Variants in MAPK10 observed in about 807,000 individuals in gnomAD.
MAPK10 encodes JNK3 alpha protein kinase.
Under a neutral mutation model 59.3 loss-of-function variants are expected in MAPK10, and 25 were observed. The observed-to-expected ratio is 0.42, with a 90% confidence interval of 0.31 to 0.59. MAPK10 has a LOEUF of 0.59. Ranked by LOEUF, MAPK10 falls within the 20% of genes least tolerant of loss-of-function variation. MAPK10 has a pLI of 0.15. For missense variants in MAPK10, 351 were observed against 568.9 expected, an observed-to-expected ratio of 0.62 and a Z score of 3.90; for synonymous variants, 190 against 200.5, an observed-to-expected ratio of 0.95 and a Z score of 0.44.
intron 1 of MAPK10, among the ~76,000 whole-genome samples, chr4:86,480,314 T>C (rs1295453876): frequency 5.0e-5 from 7 of 139,804 alleles, no homozygotes; most frequent in African/African-American, 1.7e-4. Context: ...CTGAGCACCC[T>C]GTGACCCCCC....
At chr4:86,053,101 A>G (rs1421099201) in intron 11 of MAPK10, among the ~76,000 whole-genome samples, 1 of 152,170 alleles carries the variant, frequency 6.6e-6, no homozygotes, top group African/African-American at 2.4e-5. Context: ...CAAACCTACT[A>G]CTTAAAGTAA....
At chr4:86,199,912 A>G (rs1400425354) in intron 2 of MAPK10, among the ~76,000 whole-genome samples, 1 of 152,046 alleles carries the variant, frequency 6.6e-6, no homozygotes, top group Non-Finnish European at 1.5e-5. Context: ...AGGTTTGTAA[A>G]GCAGGAAGAT....
intron 2 of MAPK10, chr4:86,321,843 C>T (rs936539554): frequency 6.6e-6 from 1 of 151,606 alleles, no homozygotes; most frequent in East Asian, 1.9e-4. Context: ...TTGTAACATA[C>T]CTCCTTTTAA....
intron 1 of MAPK10, among the ~76,000 whole-genome samples, chr4:86,461,321 G>T (rs1751719939): frequency 6.6e-6 from 1 of 152,164 alleles, no homozygotes; most frequent in South Asian, 2.1e-4. Context: ...ACTTGAAGTG[G>T]ATGGGGAAGG....
intron 9 of MAPK10, chr4:86,095,633 A>C (rs2054075517): frequency 6.6e-6 from 1 of 151,858 alleles, no homozygotes; most frequent in South Asian, 2.1e-4. Context: ...TCTGCCGATA[A>C]ATAACTTGAA....
intron 1 of MAPK10, among the ~76,000 whole-genome samples, chr4:86,374,059 G>A (rs1456693752): frequency 6.6e-6 from 1 of 152,082 alleles, no homozygotes; most frequent in African/African-American, 2.4e-5. Context: ...TATACACCAT[G>A]GAATACTATG....
intron 2 of MAPK10, among the ~76,000 whole-genome samples, chr4:86,298,471 G>A (rs1223001311): frequency 6.6e-6 from 1 of 152,154 alleles, no homozygotes; most frequent in Non-Finnish European, 1.5e-5. Context: ...CTAGAGTGCT[G>A]AGCTTCAGGA....
chr4:86,152,440 T>C (rs367553378), intron 4 of MAPK10: 2 of 152,170 alleles, frequency 1.3e-5, no homozygotes, highest in Admixed American at 6.5e-5. Flanking sequence ...TTCATAACTT[T>C]GGACATGTAA....
chr4:86,496,928 G>A (rs899296760), intron 1 of MAPK10, among the ~76,000 whole-genome samples: 2 of 151,978 alleles, frequency 1.3e-5, no homozygotes, highest in Admixed American at 6.6e-5. Context: ...CTAAAATGTC[G>A]GCACTAACTA....
At chr4:86,244,847 C>T (rs914649974) in intron 2 of MAPK10, among the ~76,000 whole-genome samples, 4 of 152,118 alleles carry the variant, frequency 2.6e-5, no homozygotes, top group African/African-American at 9.7e-5. Context: ...CATGTGATCT[C>T]TTTGAGTCTG....
chr4:86,374,399 G>C (rs1169242943), intron 1 of MAPK10, among the ~76,000 whole-genome samples: 1 of 151,934 alleles, frequency 6.6e-6, no homozygotes, highest in Non-Finnish European at 1.5e-5. Context: ...AGAACTTAAA[G>C]CATAATAAAA....
intron 9 of MAPK10, among the ~76,000 whole-genome samples, chr4:86,086,130 T>C (rs2051775223): frequency 6.6e-6 from 1 of 152,110 alleles, no homozygotes; most frequent in African/African-American, 2.4e-5. Context: ...CACGTTTACC[T>C]GTGTAACAAA....
chr4:86,021,081 G>C (rs1233226830), intron 13 of MAPK10, among the ~76,000 whole-genome samples: 1 of 151,678 alleles, frequency 6.6e-6, no homozygotes, highest in Admixed American at 6.6e-5. Context: ...CATCAGATTA[G>C]ATACAGAGTA....
At position 86,354,663 on chromosome 4, in the gene MAPK10, A is replaced by C; in HGVS notation, c.-121-19T>G. The C allele has an allele frequency of 1.0e-6, 1 of 966,648 alleles. No individual in the cohort carries two copies. The highest frequency in any genetic ancestry group is 1.3e-6 in the Non-Finnish European group (1 of 745,870). The allele number at this position is 966,648 out of a possible 1,614,324, so 59.9% of individuals were successfully genotyped here. A position where few individuals can be genotyped will look rare whatever the true frequency, so the allele number is the denominator to read the frequency against. On this transcript the variant is annotated intron_variant, in intron 1 of 13. Coordinates refer to ENST00000641462, the MANE Select transcript of MAPK10 (RefSeq NM_138982.4). ...CACTAGCCTGAAAGCAAAGCCAAAA[A>C]ACAGATGAGTTTGATTTTAAGATTT...
At chr4:86,454,950 G>A (rs1751102238), upstream of MAPK10, among the ~76,000 whole-genome samples, 2 of 152,116 alleles carry the variant, frequency 1.3e-5, no homozygotes, top group Non-Finnish European at 2.9e-5. Context: ...AAACCCTACA[G>A]GCTAGAAGGG....
intron 1 of MAPK10, among the ~76,000 whole-genome samples, chr4:86,516,910 T>C (rs1425964884): frequency 6.6e-6 from 1 of 152,228 alleles, no homozygotes; most frequent in African/African-American, 2.4e-5. Flanking sequence ...TATTTCTTTC[T>C]TTTGTCTGAT....
Position 86,076,785 on chromosome 4 carries a change from TATTA to T in MAPK10, c.803-8834_803-8831del, listed in dbSNP as rs571200717. On this transcript the variant is annotated intron_variant, in intron 9 of 13. Coordinates refer to ENST00000641462, the MANE Select transcript of MAPK10 (RefSeq NM_138982.4). ...ATATTAACTAGATTTTATGATTATG[TATTA>T]ATTGTTAACATGGTAAATATGTTTT... is the stretch of plus-strand genomic sequence containing the variant. Among the ~76,000 whole-genome samples the T allele has an allele frequency of 7.1e-3, 1,089 of 152,338 alleles. 6 individuals carry two copies. The highest frequency in any genetic ancestry group is 0.025 in the African/African-American group (1,039 of 41,578).
At chr4:86,191,103 T>G (rs1334881992) in intron 3 of MAPK10, among the ~76,000 whole-genome samples, 1 of 152,226 alleles carries the variant, frequency 6.6e-6, no homozygotes, top group East Asian at 1.9e-4. Context: ...CACTGTGGTC[T>G]GAAAGACTGT....
intron 2 of MAPK10, among the ~76,000 whole-genome samples, chr4:86,306,036 T>A (rs1490913503): frequency 6.6e-6 from 1 of 152,178 alleles, no homozygotes; most frequent in African/African-American, 2.4e-5. Context: ...ATTACCAAAC[T>A]TTTTACCCAG....
Sources: gnomAD v4.1 joint callset for allele counts (sites outside exome capture counted in the v4.1 genomes callset) on GRCh38, gnomAD v4.1.1 for gene constraint, MANE v1.5 for transcripts, NCBI Gene and HGNC (gene_info 2026-07-23, HGNC 2026-07-21) for gene names.